The following IPO11 variants were observed in gnomAD, a reference collection of about 807,000 sequenced individuals.
IPO11 encodes importin-11.
A neutral mutation model predicts 143.2 loss-of-function variants in IPO11; 66 were observed. That is an observed-to-expected ratio of 0.46 (90% CI 0.38 to 0.57). IPO11 has a LOEUF of 0.57. Ranked by LOEUF, IPO11 falls within the 20% of genes least tolerant of loss-of-function variation. The pLI, the probability that IPO11 is intolerant of heterozygous loss-of-function variation, is 0.00. For synonymous variants in IPO11, 385 were observed against 377.8 expected (o/e 1.02, Z -0.22); for missense variants, 1,026 against 1,141.0 (o/e 0.90, Z 1.45).
At position 62,526,263 on chromosome 5, in the gene IPO11, A is replaced by G. The variant is rs1339478429; in HGVS notation, c.2012+6A>G. On this transcript the variant is annotated splice_donor_region_variant and intron_variant, in intron 21 of 29. Transcript: ENST00000325324. ...GAAGATGGTTTAGAATTATGGTAAG[A>G]GGAAAAACTTAATACCATGGATCTT... is the stretch of plus-strand genomic sequence containing the variant. The G allele has an allele frequency of 6.4e-7, 1 of 1,566,974 alleles. No individual in the cohort carries two copies. The highest frequency in any genetic ancestry group is 1.7e-5 in the Admixed American group (1 of 59,870).
chr5:62,415,075 C>T (rs77693921), intron 1 of IPO11, among the ~76,000 whole-genome samples: 37 of 152,294 alleles, frequency 2.4e-4, no homozygotes, highest in African/African-American at 7.9e-4. Context: ...CAATAACAAA[C>T]GTCTATTGGG....
At chr5:62,587,736 C>T (rs1744847906) in intron 27 of IPO11, among the ~76,000 whole-genome samples, 1 of 152,130 alleles carries the variant, frequency 6.6e-6, no homozygotes, top group Non-Finnish European at 1.5e-5. Flanking sequence ...AAGTAGTGCT[C>T]TGGTACATGT....
chr5:62,432,392 G>C (rs917582511), intron 1 of IPO11, among the ~76,000 whole-genome samples: 8 of 152,204 alleles, frequency 5.3e-5, no homozygotes, highest in Non-Finnish European at 8.8e-5. Flanking sequence ...GGGTGTATGA[G>C]AAATACTGGC....
chr5:62,590,353 T>C (rs1307699136), intron 27 of IPO11, among the ~76,000 whole-genome samples: 1 of 152,244 alleles, frequency 6.6e-6, no homozygotes, highest in Non-Finnish European at 1.5e-5. Context: ...TGTTGGATGA[T>C]ATAAGCAGAT....
chr5:62,520,167 T>C (rs959009143), intron 20 of IPO11, among the ~76,000 whole-genome samples: 4 of 152,246 alleles, frequency 2.6e-5, no homozygotes, highest in Non-Finnish European at 5.9e-5. Flanking sequence ...ATCTGTAAAT[T>C]ATTTCTTCGC....
At chr5:62,524,958 C>G (rs1244085475) in intron 20 of IPO11, among the ~76,000 whole-genome samples, 1 of 151,940 alleles carries the variant, frequency 6.6e-6, no homozygotes, top group South Asian at 2.1e-4. Flanking sequence ...GACTTTTTAC[C>G]CGTTTTGTTT....
intron 24 of IPO11, among the ~76,000 whole-genome samples, chr5:62,546,752 A>G (rs2112341579): frequency 6.6e-6 from 1 of 152,354 alleles, no homozygotes; most frequent in Non-Finnish European, 1.5e-5. Flanking sequence ...CACCTTGTCC[A>G]GTTACACAGT....
intron 5 of IPO11, among the ~76,000 whole-genome samples, chr5:62,455,767 T>A (rs1363007611): frequency 6.6e-6 from 1 of 151,970 alleles, no homozygotes; most frequent in Non-Finnish European, 1.5e-5. Flanking sequence ...TCTTTTTTTT[T>A]TTTGAGAGAG....
chr5:62,569,449 G>T (rs1037201852), intron 27 of IPO11, among the ~76,000 whole-genome samples: 1 of 152,134 alleles, frequency 6.6e-6, no homozygotes, highest in Non-Finnish European at 1.5e-5. Context: ...CAAGGAATTG[G>T]TCATTGGAGG....
chr5:62,495,930 T>C (rs1741126027), intron 16 of IPO11, among the ~76,000 whole-genome samples: 1 of 152,150 alleles, frequency 6.6e-6, no homozygotes, highest in South Asian at 2.1e-4. Context: ...CCAGATAAGT[T>C]TGGAAGACTC....
intron 5 of IPO11, among the ~76,000 whole-genome samples, chr5:62,462,216 A>G (rs1225907562): frequency 6.6e-6 from 1 of 152,230 alleles, no homozygotes; most frequent in Non-Finnish European, 1.5e-5. Context: ...CAAATGATAA[A>G]TAGAAAAGGA....
chr5:62,446,596 A>G (rs952706663), intron 3 of IPO11, among the ~76,000 whole-genome samples: 1 of 152,170 alleles, frequency 6.6e-6, no homozygotes, highest in Admixed American at 6.5e-5. Flanking sequence ...TTGCACATTT[A>G]AAAAAATTGG....
At chr5:62,450,089 A>G (rs1744857005) in intron 4 of IPO11, 90 bp downstream of exon 4, 1 of 799,336 alleles carries the variant, frequency 1.3e-6, no homozygotes, top group Admixed American at 2.9e-5. Flanking sequence ...GAAAAATAAA[A>G]ATATCACTAT....
At chr5:62,490,796 C>T (rs1397544562) in intron 15 of IPO11, among the ~76,000 whole-genome samples, 1 of 152,060 alleles carries the variant, frequency 6.6e-6, no homozygotes, top group South Asian at 2.1e-4. Context: ...CATTTTGTCA[C>T]CCAGCCTGGA....
At chr5:62,481,593 C>G (rs1178961433) in intron 9 of IPO11, among the ~76,000 whole-genome samples, 1 of 152,194 alleles carries the variant, frequency 6.6e-6, no homozygotes, top group African/African-American at 2.4e-5. Flanking sequence ...ACCAGCCTTG[C>G]ATCCCAGGAA....
At chr5:62,555,158 G>A (rs911778118) in intron 26 of IPO11, among the ~76,000 whole-genome samples, 1 of 151,822 alleles carries the variant, frequency 6.6e-6, no homozygotes, top group Non-Finnish European at 1.5e-5. Flanking sequence ...TTGGTATTTT[G>A]ATAGGGATTG....
chr5:62,457,793 C>T (rs1425950911), intron 5 of IPO11, among the ~76,000 whole-genome samples: 4 of 152,114 alleles, frequency 2.6e-5, no homozygotes, highest in East Asian at 1.9e-4. Context: ...AATGCCAAGG[C>T]GCCACTTCCA....
Position 62,476,702 on chromosome 5 carries a change from T to A in IPO11, c.777T>A (p.Asp259Glu), listed in dbSNP as rs755931332. ...FLECSRSIGT[D>E]NVCRDRLEKT... ...TAACAGGTAGAAGTATAGGTACAGA[T>A]AATGTGTGTAGAGATAGACTGGAAA... is the stretch of plus-strand genomic sequence containing the variant. The change falls in exon 9 of 30, where the codon GAT becomes GAA. Residue 259 changes from aspartate (D) to glutamate (E), a missense_variant. Around this residue, in one of 5 missense-constraint regions of IPO11, gnomAD observed 429 missense variants for 456.3 expected, o/e 0.94. Coordinates refer to ENST00000325324, the MANE Select transcript of IPO11 (RefSeq NM_016338.5). 6.6e-7 allele frequency: 1 copy of A among 1,521,502 alleles called. No individual in the cohort carries two copies. Among genetic ancestry groups the A allele is most frequent in the Middle Eastern group, 1.7e-4 (1 of 5,816 alleles). The allele number at this position is 1,521,502 out of a possible 1,614,324, so 94.3% of individuals were successfully genotyped here.
intron 27 of IPO11, among the ~76,000 whole-genome samples, chr5:62,578,081 G>A (rs1744388021): frequency 6.6e-6 from 1 of 151,968 alleles, no homozygotes; most frequent in Non-Finnish European, 1.5e-5. Context: ...TATATAGGGC[G>A]AAACATCGCC....
Sources: allele counts gnomAD v4.1 joint callset (sites outside exome capture counted in the v4.1 genomes callset), GRCh38; gene constraint gnomAD v4.1.1; regional missense constraint gnomAD v4.1.1; transcripts MANE v1.5; gene names NCBI Gene and HGNC (gene_info 2026-07-23, HGNC 2026-07-21).